The following ARHGAP22 variants were observed in gnomAD, a reference collection of about 807,000 sequenced individuals.
ARHGAP22 encodes the protein Rho GTPase activating protein 22, also known as rho GTPase-activating protein 22.
ARHGAP22 carries 48 observed loss-of-function variants against 59.1 expected under a neutral mutation model. The observed-to-expected ratio is 0.81, with a 90% CI of 0.64 to 1.03. The LOEUF (loss-of-function observed/expected upper bound fraction) is 1.03. Among genes scored for constraint, ARHGAP22 ranks in the 50% least tolerant of loss-of-function variants. The pLI is 0.00. For synonymous variants in ARHGAP22, 445 were observed against 416.4 expected (o/e 1.07, Z -0.84); for missense variants, 1,015 against 958.7 (o/e 1.06, Z -0.78).
rs557644265 is a variant in ARHGAP22, at chr10:48,644,777, T to C, written c.52+7457A>G. On this transcript the variant is annotated intron_variant, in intron 1 of 9. Coordinates refer to the ARHGAP22 transcript ENST00000435790. ...TATTTATGGTATACAGCAAAATCAC[T>C]ATAGGGAAATCTATAGCTTTAAATG... Among the ~76,000 whole-genome samples, 9 of 152,252 alleles carry C rather than the reference T, an allele frequency of 5.9e-5. 1 individual carries two copies. In the South Asian group the frequency reaches 1.7e-3, roughly 28 times the overall value.
In ARHGAP22 at chr10:48,479,762, C is replaced by A. The variant is rs760998236; in HGVS notation, c.325G>T (p.Gly109Cys). The change falls in exon 4 of 10, where the codon GGT (glycine) becomes TGT (cysteine). Residue 109 changes from glycine to cysteine, a missense_variant and splice_region_variant. Coordinates refer to ENST00000249601, the MANE Select transcript of ARHGAP22 (RefSeq NM_021226.4). ...GGCACCTTCTCCCGCTCCCCGGCAC[C>A]ACCTGCAAGACAGGGAGACACAGGC... ...GKHLFEISPG[G>C]AGEREKVPAN... The A allele has an allele frequency of 8.9e-6, 14 of 1,580,146 alleles. No homozygotes were observed. Among genetic ancestry groups the A allele is most frequent in the Non-Finnish European group, 1.2e-5 (14 of 1,161,274 alleles).
intron 8 of ARHGAP22, 103 bp from the exon 9 acceptor site, chr10:48,451,243 T>A: frequency 6.8e-7 from 1 of 1,468,542 alleles, no homozygotes; most frequent in Non-Finnish European, 9.3e-7. Context: ...GCTGGCCCTG[T>A]CCCCAGAGCC....
intron 3 of ARHGAP22, among the ~76,000 whole-genome samples, chr10:48,533,706 G>T (rs763620943): frequency 6.6e-6 from 1 of 152,232 alleles, no homozygotes; most frequent in Admixed American, 6.5e-5. Context: ...TCGACACTAC[G>T]TAAATGAATG....
intron 1 of ARHGAP22, among the ~76,000 whole-genome samples, chr10:48,596,657 C>T (rs1013831638): frequency 6.6e-6 from 1 of 152,214 alleles, no homozygotes; most frequent in Non-Finnish European, 1.5e-5. Flanking sequence ...ACCCTAAGCC[C>T]TTGCCAGACT....
chr10:48,437,194 A>G, the ARHGAP22 span: 1 of 152,358 alleles, frequency 6.6e-6, no homozygotes, highest in South Asian at 2.1e-4. Context: ...GTAAACTAAA[A>G]TACTTAACAA....
At chr10:48,586,117 T>C (rs959486182) in intron 1 of ARHGAP22, among the ~76,000 whole-genome samples, 5 of 152,188 alleles carry the variant, frequency 3.3e-5, no homozygotes, top group Admixed American at 3.3e-4. Context: ...CTATGGCTGG[T>C]TATTATCCCT....
At chr10:48,632,404 C>T (rs183251447) in intron 1 of ARHGAP22, among the ~76,000 whole-genome samples, 46 of 152,198 alleles carry the variant, frequency 3.0e-4, no homozygotes, top group Non-Finnish European at 5.9e-4. Context: ...ACAAACTATT[C>T]AACATATTTT....
At chr10:48,566,815 C>G (rs1428183531) in intron 2 of ARHGAP22, among the ~76,000 whole-genome samples, 1 of 152,198 alleles carries the variant, frequency 6.6e-6, no homozygotes, top group Non-Finnish European at 1.5e-5. Context: ...ACTCAGAACA[C>G]CGGCTCCCTG....
chr10:48,533,347 C>T (rs1781371707), intron 3 of ARHGAP22, among the ~76,000 whole-genome samples: 1 of 152,092 alleles, frequency 6.6e-6, no homozygotes, highest in African/African-American at 2.4e-5. Flanking sequence ...TCTCATTTCT[C>T]TTTTTCCTTT....
chr10:48,651,660 AC>A (rs2136219921), intron 1 of ARHGAP22, among the ~76,000 whole-genome samples: 1 of 152,208 alleles, frequency 6.6e-6, no homozygotes, highest in East Asian at 1.9e-4. Context: ...TGCACAGCCC[AC>A]CCAGCGAGCA....
downstream of ARHGAP22, chr10:48,444,701 G>A (rs1019784545): frequency 9.2e-5 from 14 of 152,160 alleles, no homozygotes; most frequent in African/African-American, 2.9e-4. Flanking sequence ...CATAGCTGTG[G>A]CGAGAAAACT....
At chr10:48,444,123 C>CTGAG (rs2045268176), downstream of ARHGAP22, 1 of 152,236 alleles carries the variant, frequency 6.6e-6, no homozygotes, top group African/African-American at 2.4e-5. Flanking sequence ...CGTGCCTCTA[C>CTGAG]TGAGTCTGTC....
intron 7 of ARHGAP22, 22 bp from the exon 8 acceptor site, chr10:48,453,447 G>A (rs192734190): frequency 7.0e-5 from 113 of 1,612,878 alleles, no homozygotes; most frequent in Admixed American, 1.2e-4. Flanking sequence ...GGAAGCAGCA[G>A]TCATCAAAGA....
chr10:48,498,119 C>A (rs925945647), intron 3 of ARHGAP22, among the ~76,000 whole-genome samples: 13 of 152,140 alleles, frequency 8.5e-5, no homozygotes, highest in Admixed American at 7.8e-4. Flanking sequence ...TCTACCTTGG[C>A]CTGTCATCAC....
intron 6 of ARHGAP22, among the ~76,000 whole-genome samples, 156 bp from the exon 7 acceptor site, chr10:48,454,317 G>A (rs1190920790): frequency 6.6e-6 from 1 of 152,188 alleles, no homozygotes; most frequent in Admixed American, 6.5e-5. Context: ...TCCCCTCAAG[G>A]AGTGGCCAGG....
chr10:48,606,335 T>A (rs755286066), upstream of ARHGAP22, among the ~76,000 whole-genome samples: 15 of 152,112 alleles, frequency 9.9e-5, no homozygotes, highest in Non-Finnish European at 1.3e-4. Context: ...AGGGGAGGAC[T>A]GCAGAGTAAG....
At chr10:48,613,132 C>T (rs1427878208) in intron 1 of ARHGAP22, among the ~76,000 whole-genome samples, 5 of 152,194 alleles carry the variant, frequency 3.3e-5, no homozygotes, top group African/African-American at 4.8e-5. Context: ...GTCTCGTGCA[C>T]ATGTGCTGCC....
chr10:48,598,693 A>G (rs1157059330), intron 1 of ARHGAP22, among the ~76,000 whole-genome samples: 1 of 152,064 alleles, frequency 6.6e-6, no homozygotes, highest in Non-Finnish European at 1.5e-5. Context: ...ACGCCACTCC[A>G]TTGTCTAAAA....
At chr10:48,529,043 A>G (rs977725852) in intron 3 of ARHGAP22, among the ~76,000 whole-genome samples, 6 of 152,178 alleles carry the variant, frequency 3.9e-5, no homozygotes, top group Admixed American at 2.0e-4. Flanking sequence ...CAGTCCTCCA[A>G]TGGGTGCAGT....
Sources: allele counts gnomAD v4.1 joint callset (sites outside exome capture counted in the v4.1 genomes callset), GRCh38; gene constraint gnomAD v4.1.1; transcripts MANE v1.5; gene names NCBI Gene and HGNC (gene_info 2026-07-23, HGNC 2026-07-21).